Variants in HDAC4 observed in about 807,000 individuals in gnomAD.
HDAC4 encodes histone deacetylase 4.
A neutral mutation model predicts 135.1 loss-of-function variants in HDAC4; 16 were observed. The observed-to-expected ratio is 0.12, with a 90% CI of 0.08 to 0.18. HDAC4 has a LOEUF of 0.18. Ranked by LOEUF, HDAC4 falls within the 10% of genes least tolerant of loss-of-function variation. HDAC4 has a pLI of 1.00. For synonymous variants in HDAC4, 685 were observed against 653.4 expected (o/e 1.05, Z -0.74); for missense variants, 1,143 against 1,511.8 (o/e 0.76, Z 4.05).
At chr2:239,053,337 A>G (rs907901418) in intron 26 of HDAC4, 123 bp downstream of exon 26, 4 of 1,406,000 alleles carry the variant, frequency 2.8e-6, no homozygotes, top group East Asian at 2.3e-5. Flanking sequence ...AGGGGGCCAC[A>G]CTGGCCTGTC....
intron 20 of HDAC4, 125 bp downstream of exon 20, chr2:239,084,030 G>A (rs2035616575): frequency 1.4e-6 from 1 of 737,588 alleles, no homozygotes; most frequent in Non-Finnish European, 2.4e-6. Context: ...GCATCTTTGA[G>A]ACCGTTTCCA....
chr2:239,260,591 C>T (rs926204379), intron 2 of HDAC4, among the ~76,000 whole-genome samples: 2 of 152,208 alleles, frequency 1.3e-5, no homozygotes, highest in African/African-American at 2.4e-5. Flanking sequence ...TATCAAATGC[C>T]TATCAGGCCA....
At chr2:239,095,091 G>C (rs779253318) in intron 16 of HDAC4, 35 bp from the exon 17 acceptor site, 2 of 1,613,270 alleles carry the variant, frequency 1.2e-6, no homozygotes, top group South Asian at 2.2e-5. Context: ...GAGAGGCCAA[G>C]GGCACGCGGC....
Position 239,352,795 on chromosome 2 carries a change from A to C in HDAC4, c.-96T>G. ...GAGCTCCAAACTCCCACCAACACAT[A>C]CAAGTACCGGGACGGTGAGGGCTGG... On this transcript the variant is annotated 5_prime_UTR_variant, in exon 2 of 27. Coordinates refer to ENST00000543185, the MANE Select transcript of HDAC4 (RefSeq NM_001378414.1). The surrounding 1 kb of genome is among the most constrained non-coding windows in gnomAD (Gnocchi z 4.4). The C allele has an allele frequency of 8.3e-7, 1 of 1,205,298 alleles. No homozygotes were observed. Among genetic ancestry groups the C allele is most frequent in the Non-Finnish European group, 1.2e-6 (1 of 832,060 alleles). The allele number at this position is 1,205,298 out of a possible 1,614,324, so 74.7% of individuals were successfully genotyped here.
At chr2:239,168,897 G>A (rs551279438) in intron 5 of HDAC4, among the ~76,000 whole-genome samples, 2 of 152,312 alleles carry the variant, frequency 1.3e-5, no homozygotes, top group African/African-American at 2.4e-5. Flanking sequence ...GAAAACCACC[G>A]GGACGGCCGC....
At chr2:239,144,525 G>A (rs1473425176) in intron 8 of HDAC4, 58 bp downstream of exon 8, 2 of 1,608,980 alleles carry the variant, frequency 1.2e-6, no homozygotes, top group African/African-American at 1.3e-5. Flanking sequence ...AATCGCCTAT[G>A]GCAGGAAGGC....
chr2:239,164,014 G>T, intron 5 of HDAC4, 91 bp from the exon 6 acceptor site: 1 of 1,496,436 alleles, frequency 6.7e-7, no homozygotes, highest in Non-Finnish European at 9.3e-7. Flanking sequence ...GGAGGGAAGG[G>T]CTGGGGACGG....
rs772656186 is a variant in HDAC4 at position 239,134,402 on chromosome 2, G to A, written c.1137C>T (p.Pro379=). The change falls in exon 11 of 27, where the codon CCC becomes CCT. Residue 379 remains proline, a synonymous_variant. Transcript: ENST00000543185. ...GQQDAERLTL[P]ALQQRLSLFP... Reference sequence around the variant, plus strand: ...AAAGGGAGAGCCTCTGCTGGAGGGCGGGAAGGGTGAGTCTCTCGGCGTCCT... The same window carrying A: ...AAAGGGAGAGCCTCTGCTGGAGGGCAGGAAGGGTGAGTCTCTCGGCGTCCT... 6 of 1,613,626 alleles carry A rather than the reference G, an allele frequency of 3.7e-6. No individual in the cohort carries two copies. Among genetic ancestry groups the A allele is most frequent in the South Asian group, 2.2e-5 (2 of 91,072 alleles).
intron 1 of HDAC4, among the ~76,000 whole-genome samples, chr2:239,393,749 T>C (rs1477100084): frequency 6.6e-6 from 1 of 152,158 alleles, no homozygotes; most frequent in East Asian, 1.9e-4. Context: ...TTTTCTCCTC[T>C]GTCCCTACCA....
intron 1 of HDAC4, among the ~76,000 whole-genome samples, chr2:239,368,875 T>A: frequency 6.6e-6 from 1 of 152,254 alleles, no homozygotes. Flanking sequence ...AAACTATCGA[T>A]GTCGGCATCG....
At chr2:239,300,735 G>A (rs1177083672) in intron 2 of HDAC4, among the ~76,000 whole-genome samples, 3 of 152,170 alleles carry the variant, frequency 2.0e-5, no homozygotes, top group Non-Finnish European at 2.9e-5. Context: ...AAAAACACCC[G>A]AACTCCCCTC....
At chr2:239,072,818 G>A (rs1182404510) in intron 22 of HDAC4, among the ~76,000 whole-genome samples, 2 of 152,238 alleles carry the variant, frequency 1.3e-5, no homozygotes, top group Non-Finnish European at 2.9e-5. Context: ...GATGACCGCA[G>A]ATCAGAATCT....
intron 22 of HDAC4, among the ~76,000 whole-genome samples, chr2:239,076,336 G>GTCTGT (rs1357538747): frequency 3.3e-5 from 5 of 152,370 alleles, no homozygotes; most frequent in Middle Eastern, 3.4e-3. Context: ...CTCTGCGCAA[G>GTCTGT]GGGCTGTGTC....
chr2:239,148,244 G>A (rs137937555), intron 7 of HDAC4, among the ~76,000 whole-genome samples: 4 of 152,118 alleles, frequency 2.6e-5, no homozygotes, highest in African/African-American at 7.2e-5. Flanking sequence ...AAAGACAAGA[G>A]GACAAAAACT....
At chr2:239,322,994 A>C (rs2053364710) in intron 2 of HDAC4, among the ~76,000 whole-genome samples, 1 of 152,146 alleles carries the variant, frequency 6.6e-6, no homozygotes, top group Non-Finnish European at 1.5e-5. Context: ...CTCACTCTTG[A>C]TGATGAGGGT....
chr2:239,095,714 G>A (rs536724460), intron 16 of HDAC4, among the ~76,000 whole-genome samples: 6 of 152,166 alleles, frequency 3.9e-5, no homozygotes, highest in Admixed American at 6.5e-5. Flanking sequence ...CGCCTGCTCC[G>A]GCAGTGAAAG....
chr2:239,270,752 G>A (rs2050014536), intron 2 of HDAC4, among the ~76,000 whole-genome samples: 1 of 152,188 alleles, frequency 6.6e-6, no homozygotes, highest in South Asian at 2.1e-4. Context: ...AAGACGACCT[G>A]TTGACGGATA....
chr2:239,131,173 G>A lies in HDAC4; in HGVS notation c.1294+3072C>T, dbSNP rs185175321. On this transcript the variant is annotated intron_variant, in intron 11 of 26. Coordinates refer to ENST00000543185, the MANE Select transcript of HDAC4 (RefSeq NM_001378414.1). ...GCGAGGAACTGCCCGGAGCGGTGCGGAAAGGGGCTGACTGGAGGTATGTGG... is the reference window on the plus strand; with the variant it reads ...GCGAGGAACTGCCCGGAGCGGTGCGAAAAGGGGCTGACTGGAGGTATGTGG... Among the ~76,000 whole-genome samples, 301 of 152,362 alleles carry A rather than the reference G, an allele frequency of 2.0e-3. 1 individual carries two copies. Among genetic ancestry groups the A allele is most frequent in the Non-Finnish European group, 2.1e-3 (145 of 68,030 alleles).
At chr2:239,329,151 C>G (rs1353225980) in intron 2 of HDAC4, among the ~76,000 whole-genome samples, 1 of 152,060 alleles carries the variant, frequency 6.6e-6, no homozygotes. Context: ...CACATCCCCC[C>G]CAGTGCAGCT....
Sources: allele counts gnomAD v4.1 joint callset (sites outside exome capture counted in the v4.1 genomes callset), GRCh38; gene constraint gnomAD v4.1.1; non-coding constraint Gnocchi (gnomAD v3.1); transcripts MANE v1.5; gene names NCBI Gene and HGNC (gene_info 2026-07-23, HGNC 2026-07-21).